The following SPDYE3 variants were observed in gnomAD, a reference collection of about 807,000 sequenced individuals.
SPDYE3 encodes the protein speedy/RINGO cell cycle regulator family member E3, also known as speedy protein E3.
In SPDYE3, 15 loss-of-function variants were observed where a neutral mutation model predicts 55.0. The ratio of observed to expected loss-of-function variants is 0.27; its 90% CI spans 0.18 to 0.42. The LOEUF (loss-of-function observed/expected upper bound fraction) is 0.42, where lower values mean the gene tolerates loss of function less well. Ranked by LOEUF, SPDYE3 falls within the 10% of genes least tolerant of loss-of-function variation. The probability of loss-of-function intolerance (pLI) is 1.00; values close to 1 mark genes in which losing one functional copy is unlikely to be tolerated. For missense variants in SPDYE3, 236 were observed against 576.7 expected (o/e 0.41, Z 6.05); for synonymous variants, 89 against 229.9 (o/e 0.39, Z 5.55).
Position 100,312,875 on chromosome 7 carries a change from C to T in SPDYE3, c.764-265C>T, listed in dbSNP as rs546068978. ...TGGGTGACAAAGCAAGATTCTGTCT[C>T]GAAACAAAAAAAAAAAAGAGGGCCT... On this transcript the variant is annotated intron_variant, in intron 4 of 10. Transcript: ENST00000332397. 6.0e-4 allele frequency among the ~76,000 whole-genome samples: 85 copies of T among 141,742 alleles called. 1 individual carries two copies. The South Asian group carries it at 0.016, about 26-fold the overall frequency. 93.0% of individuals were successfully genotyped at this position (141,742 alleles called of 152,430 possible).
intron 4 of SPDYE3, among the ~76,000 whole-genome samples, chr7:100,312,829 T>C (rs1805994998): frequency 7.2e-6 from 1 of 139,444 alleles, no homozygotes; most frequent in Non-Finnish European, 1.6e-5. Flanking sequence ...TCAGCTGAGA[T>C]TGCACCACTA....
rs1456084732 is a variant in SPDYE3 at position 100,321,493 on chromosome 7, TTAAG to T, written c.*650_*653del. On this transcript the variant is annotated 3_prime_UTR_variant, in exon 11 of 11. Coordinates refer to ENST00000332397, the MANE Select transcript of SPDYE3 (RefSeq NM_001004351.5). ...CATAAAGATAATTTTCTTTTCATTT[TTAAG>T]TGAGAATTCTTTTTATCCTAAATCT... 6.2e-6 allele frequency: 1 copy of T among 162,180 alleles called. No individual in the cohort carries two copies. Among genetic ancestry groups the T allele is most frequent in the East Asian group, 1.9e-4 (1 of 5,292 alleles). The allele number at this position is 162,180 out of a possible 1,614,324, so 10.0% of individuals were successfully genotyped here. A position where few individuals can be genotyped will look rare whatever the true frequency, so the allele number is the denominator to read the frequency against.
At chr7:100,308,070 CT>C in intron 1 of SPDYE3, 79 bp downstream of exon 1, 2 of 1,453,742 alleles carry the variant, frequency 1.4e-6, no homozygotes, top group Admixed American at 2.2e-5. Flanking sequence ...TAGCTCACCC[CT>C]GTAACACCAA....
At chr7:100,315,757 C>T (rs1356138760) in intron 6 of SPDYE3, 28 bp from the exon 7 acceptor site, 1 of 1,598,168 alleles carries the variant, frequency 6.3e-7, no homozygotes, top group East Asian at 2.2e-5. Context: ...TCCTGCTTCT[C>T]ACGCTGACAT....
At chr7:100,319,501 C>A (rs1789521822) in intron 8 of SPDYE3, 64 bp from the exon 9 acceptor site, 3 of 1,611,366 alleles carry the variant, frequency 1.9e-6, no homozygotes, top group Non-Finnish European at 2.5e-6. Flanking sequence ...CTCTGGGAAG[C>A]TGACCTCAGC....
chr7:100,321,285 T>C lies in SPDYE3; in HGVS notation c.*440T>C, dbSNP rs1333489873. 1 of 354,624 alleles carries C rather than the reference T, an allele frequency of 2.8e-6. No homozygotes were observed. The highest frequency in any genetic ancestry group is 5.6e-6 in the Non-Finnish European group (1 of 178,960). The allele number at this position is 354,624 out of a possible 1,614,324, so 22.0% of individuals were successfully genotyped here. The stretch of plus-strand genomic sequence containing the variant: ...GATTGGCACAGAATTCTTTGTGAAA[T>C]ATGAGTGCCACAGACTGTAACAGAT... On this transcript the variant is annotated 3_prime_UTR_variant, in exon 11 of 11. Transcript: ENST00000332397.
At chr7:100,308,300 C>T (rs1421560734) in intron 1 of SPDYE3, among the ~76,000 whole-genome samples, 2 of 138,196 alleles carry the variant, frequency 1.4e-5, no homozygotes, top group Non-Finnish European at 3.0e-5. Flanking sequence ...TACTGCACTC[C>T]AGTCTGGGTG....
At chr7:100,316,947 C>A (rs1806119671) in intron 7 of SPDYE3, 123 bp from the exon 8 acceptor site, 8 of 1,379,634 alleles carry the variant, frequency 5.8e-6, no homozygotes, top group Non-Finnish European at 8.3e-6. Context: ...AGCACAGTCA[C>A]CCCAATGCTG....
Position 100,319,683 on chromosome 7 carries a change from T to C in SPDYE3, c.1465T>C (p.Cys489Arg), listed in dbSNP as rs752400008. The change falls in exon 9 of 11, where the codon TGC becomes CGC. Residue 489 changes from cysteine to arginine, a missense_variant. Coordinates refer to ENST00000332397, the MANE Select transcript of SPDYE3 (RefSeq NM_001004351.5). The stretch of plus-strand genomic sequence containing the variant: ...GCGCCCTAAGCATTGGTTCCAGTTA[T>C]GCCGTCCCATGAACCCGAGGGCCAG... ...PLRPKHWFQL[C>R]RPMNPRARKN... 4 of 1,614,122 alleles carry C rather than the reference T, an allele frequency of 2.5e-6. No individual in the cohort carries two copies. Among genetic ancestry groups the C allele is most frequent in the Non-Finnish European group, 3.4e-6 (4 of 1,180,032 alleles).
intron 1 of SPDYE3, among the ~76,000 whole-genome samples, chr7:100,308,330 CAAAAAAAAA>C (rs1302549830): frequency 2.1e-5 from 1 of 46,756 alleles, no homozygotes; most frequent in South Asian, 7.2e-4. Flanking sequence ...GACGCTGTCT[CAAAAAAAAA>C]AAAAAAAAAA....
In SPDYE3 at chr7:100,319,746, C is replaced by A. The variant is rs376445936; in HGVS notation, c.1528C>A (p.Arg510=). 6.2e-7 allele frequency: 1 copy of A among 1,613,580 alleles called. No individual in the cohort carries two copies. The highest frequency in any genetic ancestry group is 8.5e-7 in the Non-Finnish European group (1 of 1,179,758). The change falls in exon 9 of 11, where the codon CGG becomes AGG. Residue 510 remains arginine (R), a synonymous_variant. Coordinates refer to ENST00000332397, the MANE Select transcript of SPDYE3 (RefSeq NM_001004351.5). ...CSQIALFQKR[R]FQFFCSMRCR... Reference sequence around the variant, plus strand: ...TCAGATAGCCTTGTTCCAGAAGCGTCGGTTCCAGTTCTTCTGTTCCATGCG... The same window carrying A: ...TCAGATAGCCTTGTTCCAGAAGCGTAGGTTCCAGTTCTTCTGTTCCATGCG...
chr7:100,320,609 G>C (rs556207237), intron 10 of SPDYE3: 150 of 1,021,510 alleles, frequency 1.5e-4, no homozygotes, highest in Non-Finnish European at 1.8e-4. Flanking sequence ...CATTCTCTGA[G>C]GGTGCCCTAC....
intron 8 of SPDYE3, 60 bp downstream of exon 8, chr7:100,317,215 T>C (rs1806125125): frequency 1.3e-6 from 2 of 1,568,502 alleles, no homozygotes; most frequent in Middle Eastern, 2.3e-4. Context: ...GCGGGGGAAG[T>C]GGGATTCCAG....
chr7:100,312,046 A>ACTGGGGCATATTTTTCCC, intron 4 of SPDYE3, 78 bp downstream of exon 4: 1 of 954,300 alleles, frequency 1.0e-6, no homozygotes, highest in Non-Finnish European at 1.5e-6. Context: ...ACACTTTTCC[A>ACTGGGGCATATTTTTCCC]ATGGGAAAAA....
At chr7:100,316,600 T>G (rs1563094094) in intron 7 of SPDYE3, among the ~76,000 whole-genome samples, 1 of 152,202 alleles carries the variant, frequency 6.6e-6, no homozygotes, top group Non-Finnish European at 1.5e-5. Flanking sequence ...ATTCTTTGTC[T>G]TTTTATGATT....
At chr7:100,316,291 T>A (rs1806105257) in intron 7 of SPDYE3, among the ~76,000 whole-genome samples, 1 of 152,134 alleles carries the variant, frequency 6.6e-6, no homozygotes, top group African/African-American at 2.4e-5. Context: ...TCTTGAGTCT[T>A]GGCACCCACA....
chr7:100,319,450 T>G, intron 8 of SPDYE3, 115 bp from the exon 9 acceptor site: 1 of 1,540,954 alleles, frequency 6.5e-7, no homozygotes, highest in Non-Finnish European at 8.8e-7. Context: ...CTCTGCAGGG[T>G]GGGTGCCAGT....
intron 6 of SPDYE3, among the ~76,000 whole-genome samples, chr7:100,315,198 A>G (rs1252558443): frequency 1.3e-5 from 2 of 152,038 alleles, no homozygotes; most frequent in African/African-American, 4.8e-5. Flanking sequence ...AGAATTGCTT[A>G]AACCCAGGAG....
Position 100,307,936 on chromosome 7 carries a change from C to A in SPDYE3, c.51C>A (p.Ser17Arg), listed in dbSNP as rs1805861084. The A allele has an allele frequency of 4.4e-6, 7 of 1,581,814 alleles. No homozygotes were observed. Among genetic ancestry groups the A allele is most frequent in the Non-Finnish European group, 6.0e-6 (7 of 1,172,356 alleles). Residue 17 changes from serine (S) to arginine (R), a missense_variant, in exon 1 of 11, where the codon AGC becomes AGA. Transcript: ENST00000332397. ...QPQEEQSPQR[S>R]TSGYPLQEVV... ...AGGAAGAGCAGAGCCCCCAGCGGAG[C>A]ACCTCAGGGTACCCCCTCCAGGAGG... is the stretch of plus-strand genomic sequence containing the variant.
Sources: allele counts gnomAD v4.1 joint callset (sites outside exome capture counted in the v4.1 genomes callset), GRCh38; gene constraint gnomAD v4.1.1; transcripts MANE v1.5; gene names NCBI Gene and HGNC (gene_info 2026-07-23, HGNC 2026-07-21).